The following BMPER variants were observed in gnomAD, a reference collection of about 807,000 sequenced individuals.
BMPER encodes the protein BMP binding endothelial regulator.
A neutral mutation model predicts 87.3 loss-of-function variants in BMPER; 45 were observed. The ratio of observed to expected loss-of-function variants is 0.52; its 90% confidence interval spans 0.41 to 0.66. The LOEUF is 0.66. Among genes scored for constraint, BMPER ranks in the 30% least tolerant of loss-of-function variants. BMPER has a pLI of 0.00. For synonymous variants in BMPER, 326 were observed against 316.2 expected (o/e 1.03, Z -0.33); for missense variants, 784 against 867.5 (o/e 0.90, Z 1.21).
chr7:34,121,460 A>C (rs1219929705), intron 13 of BMPER, among the ~76,000 whole-genome samples: 1 of 152,138 alleles, frequency 6.6e-6, no homozygotes, highest in African/African-American at 2.4e-5. Context: ...AATTTTTCCT[A>C]GGTTTATTTA....
chr7:34,035,071 T>C (rs747386094), intron 6 of BMPER, among the ~76,000 whole-genome samples: 62 of 152,170 alleles, frequency 4.1e-4, no homozygotes, highest in Non-Finnish European at 7.4e-4. Flanking sequence ...TTGCCAAGAT[T>C]GGGTTGCAGC....
intron 3 of BMPER, among the ~76,000 whole-genome samples, chr7:33,955,435 T>C (rs982550294): frequency 1.3e-5 from 2 of 152,278 alleles, no homozygotes; most frequent in Middle Eastern, 3.4e-3. Flanking sequence ...GCTCAGACTT[T>C]CCAGCAAAGA....
intron 6 of BMPER, among the ~76,000 whole-genome samples, chr7:34,009,123 A>G (rs1786812604): frequency 6.6e-6 from 1 of 151,032 alleles, no homozygotes; most frequent in Non-Finnish European, 1.5e-5. Flanking sequence ...TGTACCCAGT[A>G]TTTTTTTTTA....
intron 14 of BMPER, among the ~76,000 whole-genome samples, chr7:34,151,672 T>A (rs80036258): frequency 0.011 from 1,604 of 152,298 alleles, 20 homozygotes; most frequent in African/African-American, 0.035. Context: ...AAGCATCTGG[T>A]ACAGGGACTT....
intron 6 of BMPER, among the ~76,000 whole-genome samples, chr7:33,982,091 G>T (rs886577137): frequency 6.6e-6 from 1 of 152,144 alleles, no homozygotes; most frequent in African/African-American, 2.4e-5. Flanking sequence ...AGCTCAGATT[G>T]CAGTTCTCTG....
intron 13 of BMPER, among the ~76,000 whole-genome samples, chr7:34,127,652 T>C (rs1412413614): frequency 6.6e-6 from 1 of 152,224 alleles, no homozygotes; most frequent in African/African-American, 2.4e-5. Flanking sequence ...TCTGCATCCC[T>C]CTAATTTCTT....
intron 2 of BMPER, among the ~76,000 whole-genome samples, chr7:33,923,832 T>G (rs1406607510): frequency 6.6e-6 from 1 of 152,236 alleles, no homozygotes; most frequent in Non-Finnish European, 1.5e-5. Flanking sequence ...TGGTGGATCT[T>G]CCTTATCTTT....
chr7:33,968,869 A>G (rs1785468281), intron 4 of BMPER, among the ~76,000 whole-genome samples: 1 of 152,232 alleles, frequency 6.6e-6, no homozygotes, highest in Non-Finnish European at 1.5e-5. Context: ...CATGGACAGG[A>G]AATTCATGCT....
chr7:34,141,027 A>G (rs774419147), intron 13 of BMPER, among the ~76,000 whole-genome samples: 2 of 151,908 alleles, frequency 1.3e-5, no homozygotes, highest in Non-Finnish European at 2.9e-5. Flanking sequence ...GAATGGGATT[A>G]CAGGTTAGAA....
rs371940697 is a variant in BMPER, at chr7:33,987,158, A to G, written c.576+12374A>G. On this transcript the variant is annotated intron_variant, in intron 6 of 14. Transcript: ENST00000649409. ...TTTGCACACACTAGATATTCAGGAA[A>G]TATCTTTTGAATGAATTGATTACAC... Among the ~76,000 whole-genome samples the G allele has an allele frequency of 5.6e-4, 85 of 152,240 alleles. 2 individuals are homozygous for G. The South Asian group carries it at 0.014, about 25-fold the overall frequency.
intron 11 of BMPER, chr7:34,067,191 C>G (rs1406196314): frequency 1.3e-5 from 2 of 152,032 alleles, no homozygotes; most frequent in African/African-American, 4.8e-5. Flanking sequence ...CTTTTTAAAC[C>G]CCCCAGGGTT....
At chr7:33,908,551 G>A (rs992490633) in intron 2 of BMPER, among the ~76,000 whole-genome samples, 3 of 152,140 alleles carry the variant, frequency 2.0e-5, no homozygotes, top group Non-Finnish European at 4.4e-5. Context: ...CAGTTTTGAA[G>A]GTAAAGATTA....
At chr7:34,037,006 G>A (rs185868032) in intron 6 of BMPER, among the ~76,000 whole-genome samples, 21 of 152,252 alleles carry the variant, frequency 1.4e-4, no homozygotes, top group Admixed American at 1.0e-3. Context: ...CTTTAAAAAT[G>A]AGACTTAAGC....
At chr7:34,009,989 A>G (rs561141951) in intron 6 of BMPER, among the ~76,000 whole-genome samples, 3 of 152,030 alleles carry the variant, frequency 2.0e-5, no homozygotes, top group African/African-American at 4.8e-5. Flanking sequence ...TGTTTTTCCC[A>G]GCTTCCTCCT....
intron 6 of BMPER, among the ~76,000 whole-genome samples, chr7:34,024,862 T>C (rs1248068676): frequency 6.6e-6 from 1 of 152,044 alleles, no homozygotes; most frequent in African/African-American, 2.4e-5. Context: ...TTTTATGCAA[T>C]GAACTTGTTT....
chr7:33,961,862 G>A (rs1785280814), intron 3 of BMPER, among the ~76,000 whole-genome samples: 1 of 152,124 alleles, frequency 6.6e-6, no homozygotes, highest in Non-Finnish European at 1.5e-5. Flanking sequence ...TAGGGATGAA[G>A]GGAAAGAACT....
intron 6 of BMPER, among the ~76,000 whole-genome samples, chr7:34,028,601 G>GTTTT: frequency 0.022 from 805 of 36,048 alleles, 84 homozygotes; most frequent in Middle Eastern, 0.11. Flanking sequence ...CATTTTTTCT[G>GTTTT]TTTTTTTTTT....
At chr7:34,146,138 A>G (rs962704097) in intron 14 of BMPER, among the ~76,000 whole-genome samples, 2 of 152,152 alleles carry the variant, frequency 1.3e-5, no homozygotes, top group Admixed American at 6.6e-5. Flanking sequence ...GATCTGTAGC[A>G]TCTCTCAGTA....
intron 12 of BMPER, 66 bp from the exon 13 acceptor site, chr7:34,085,690 A>G (rs1789179972): frequency 7.1e-7 from 1 of 1,398,972 alleles, no homozygotes; most frequent in Admixed American, 1.9e-5. Flanking sequence ...GTAAGGATGT[A>G]TACATTTGGG....
Sources: allele counts gnomAD v4.1 joint callset (sites outside exome capture counted in the v4.1 genomes callset), GRCh38; gene constraint gnomAD v4.1.1; transcripts MANE v1.5; gene names NCBI Gene and HGNC (gene_info 2026-07-23, HGNC 2026-07-21).